The following RAD51B variants were observed in gnomAD, a reference collection of about 807,000 sequenced individuals.
RAD51B encodes the protein RAD51 paralog B.
RAD51B carries 38 observed loss-of-function variants against 42.2 expected under a neutral mutation model. That is an observed-to-expected ratio of 0.90 (90% CI 0.70 to 1.18). The LOEUF (loss-of-function observed/expected upper bound fraction) is 1.18, where lower values mean the gene tolerates loss of function less well. Ranked by LOEUF, RAD51B falls within the 50% of genes most tolerant of loss-of-function variation. The probability of loss-of-function intolerance (pLI) is 0.00; values close to 1 mark genes in which losing one functional copy is unlikely to be tolerated. For missense variants in RAD51B, 373 were observed against 400.7 expected (o/e 0.93, Z 0.59); for synonymous variants, 154 against 145.2 (o/e 1.06, Z -0.43).
rs35200852 is a variant in RAD51B, at chr14:68,648,674, A to AACACACACACACACACACACACAC, written c.1037-2089_1037-2066dup. On this transcript the variant is annotated intron_variant, in intron 10 of 11. Transcript: ENST00000488612. ...AGCTCAATAATGGTAAAAGCACACA[A>AACACACACACACACACACACACAC]ACACACACACACACACACACACACA... 3.5e-5 allele frequency among the ~76,000 whole-genome samples: 5 copies of AACACACACACACACACACACACAC among 143,612 alleles called. No individual in the cohort carries two copies. In the South Asian group the frequency reaches 1.2e-3, roughly 33 times the overall value. The allele number at this position is 143,612 out of a possible 152,430, so 94.2% of individuals were successfully genotyped here. A position where few individuals can be genotyped will look rare whatever the true frequency, so the allele number is the denominator to read the frequency against.
At chr14:68,545,312 A>G (rs946371063) in intron 10 of RAD51B, among the ~76,000 whole-genome samples, 1 of 152,192 alleles carries the variant, frequency 6.6e-6, no homozygotes, top group Admixed American at 6.5e-5. Flanking sequence ...TTGGCAGTGG[A>G]TATCTTCATG....
chr14:68,052,993 C>T (rs374023226), intron 7 of RAD51B, among the ~76,000 whole-genome samples: 2 of 152,228 alleles, frequency 1.3e-5, no homozygotes, highest in East Asian at 3.9e-4. Flanking sequence ...TATGTCTTAT[C>T]ACCCATTAGT....
intron 7 of RAD51B, among the ~76,000 whole-genome samples, chr14:67,923,048 A>G (rs1028688554): frequency 6.6e-6 from 1 of 152,036 alleles, no homozygotes; most frequent in African/African-American, 2.4e-5. Flanking sequence ...AAGTCCCCAC[A>G]GTTCATTTTA....
At chr14:68,170,902 T>C (rs1337237667) in intron 7 of RAD51B, among the ~76,000 whole-genome samples, 1 of 152,270 alleles carries the variant, frequency 6.6e-6, no homozygotes, top group East Asian at 1.9e-4. Flanking sequence ...TTGGGAATGA[T>C]AACTTCACTG....
chr14:68,457,773 A>ATTTTT (rs771439291), intron 9 of RAD51B, among the ~76,000 whole-genome samples: 5 of 106,766 alleles, frequency 4.7e-5, no homozygotes, highest in African/African-American at 1.5e-4. Context: ...TAATTTTTGT[A>ATTTTT]TTTTTTTTTT....
chr14:67,974,748 C>G (rs2074958752), intron 7 of RAD51B, among the ~76,000 whole-genome samples: 2 of 152,094 alleles, frequency 1.3e-5, no homozygotes, highest in Admixed American at 1.3e-4. Flanking sequence ...GTTGTGTACA[C>G]TTTTTCCCTA....
At chr14:68,470,657 G>C in intron 10 of RAD51B, 1 of 477,724 alleles carries the variant, frequency 2.1e-6, no homozygotes. Flanking sequence ...AAGAAAGAGT[G>C]AAGAAAAAAT....
At chr14:68,365,147 G>A (rs2083115231) in intron 8 of RAD51B, among the ~76,000 whole-genome samples, 1 of 152,222 alleles carries the variant, frequency 6.6e-6, no homozygotes, top group Non-Finnish European at 1.5e-5. Flanking sequence ...GGAGGCTGAG[G>A]GAGACGTACT....
At chr14:67,864,862 C>T (rs747931415) in intron 4 of RAD51B, 141 bp from the exon 5 acceptor site, 141 of 1,293,888 alleles carry the variant, frequency 1.1e-4, no homozygotes, top group Non-Finnish European at 1.4e-4. Flanking sequence ...ATGTCTTGGG[C>T]TTAATTCTCT....
At chr14:68,596,580 A>G (rs569219164), downstream of RAD51B, among the ~76,000 whole-genome samples, 2 of 152,340 alleles carry the variant, frequency 1.3e-5, no homozygotes, top group East Asian at 1.9e-4. Flanking sequence ...CGTGTTCCCC[A>G]TAGAGTAATG....
At chr14:68,497,880 G>A (rs1251262247) in intron 10 of RAD51B, 1 of 203,120 alleles carries the variant, frequency 4.9e-6, no homozygotes, top group African/African-American at 2.3e-5. Context: ...GCATTGTCAG[G>A]ATATACTGCA....
At chr14:68,604,976 TG>T (rs367714281) in intron 10 of RAD51B, among the ~76,000 whole-genome samples, 54 of 152,292 alleles carry the variant, frequency 3.5e-4, no homozygotes, top group African/African-American at 1.2e-3. Context: ...ATATAACTGC[TG>T]GCATCAAGCC....
chr14:68,342,626 G>T (rs2082594387), intron 8 of RAD51B, among the ~76,000 whole-genome samples: 1 of 152,072 alleles, frequency 6.6e-6, no homozygotes, highest in Admixed American at 6.6e-5. Context: ...TAGCTTTGGA[G>T]TTAATGAGCA....
chr14:68,288,661 G>A lies in RAD51B; in HGVS notation c.757-3223G>A, dbSNP rs141006231. Reference sequence around the variant, plus strand: ...GAGGAAAAGTGGTCTAAATATTTTAGTCAGTGCCTTGTCATTGAATTTGTA... The same window carrying A: ...GAGGAAAAGTGGTCTAAATATTTTAATCAGTGCCTTGTCATTGAATTTGTA... On this transcript the variant is annotated intron_variant, in intron 7 of 10. Coordinates refer to ENST00000471583, the MANE Select transcript of RAD51B (RefSeq NM_133510.4). Among the ~76,000 whole-genome samples, 913 of 152,328 alleles carry A rather than the reference G, an allele frequency of 6.0e-3. 6 individuals are homozygous for A. Among genetic ancestry groups the A allele is most frequent in the South Asian group, 0.016 (77 of 4,830 alleles).
At chr14:68,158,518 A>G (rs1566690854) in intron 7 of RAD51B, among the ~76,000 whole-genome samples, 1 of 152,244 alleles carries the variant, frequency 6.6e-6, no homozygotes, top group Non-Finnish European at 1.5e-5. Flanking sequence ...GTGAATCTAC[A>G]AAGTGAACTT....
chr14:68,381,167 G>C (rs2083470697), intron 8 of RAD51B, among the ~76,000 whole-genome samples: 1 of 152,172 alleles, frequency 6.6e-6, no homozygotes, highest in East Asian at 1.9e-4. Context: ...AAGTCCTAAT[G>C]ACCGTAAGTG....
chr14:68,352,832 C>G (rs2082817473), intron 8 of RAD51B, among the ~76,000 whole-genome samples: 2 of 152,164 alleles, frequency 1.3e-5, no homozygotes, highest in Non-Finnish European at 2.9e-5. Context: ...CCCTTCTTAT[C>G]TTTTCTGAGG....
At chr14:68,346,531 C>A (rs759241702) in intron 8 of RAD51B, among the ~76,000 whole-genome samples, 1 of 152,226 alleles carries the variant, frequency 6.6e-6, no homozygotes, top group African/African-American at 2.4e-5. Flanking sequence ...CATCCAGGGT[C>A]TAAATTCACA....
chr14:68,449,239 C>T (rs2085496523), intron 9 of RAD51B, among the ~76,000 whole-genome samples: 1 of 152,142 alleles, frequency 6.6e-6, no homozygotes. Context: ...AACTTTGTTT[C>T]AAACCAAAGA....
Sources: gnomAD v4.1 joint callset for allele counts (sites outside exome capture counted in the v4.1 genomes callset) on GRCh38, gnomAD v4.1.1 for gene constraint, MANE v1.5 for transcripts, NCBI Gene and HGNC (gene_info 2026-07-23, HGNC 2026-07-21) for gene names.